KIF26B: variants seen among roughly 807,000 people sequenced by gnomAD.
The protein encoded by KIF26B is kinesin family member 26B, also known as kinesin-like protein KIF26B.
Under a neutral mutation model 151.2 loss-of-function variants are expected in KIF26B, and 63 were observed. That is an observed-to-expected ratio of 0.42 (90% CI 0.34 to 0.51). The LOEUF (loss-of-function observed/expected upper bound fraction) is 0.51, where lower values mean the gene tolerates loss of function less well. KIF26B is among the 20% of genes least tolerant of loss of function. The pLI, the probability that KIF26B is intolerant of heterozygous loss-of-function variation, is 0.07. For synonymous variants in KIF26B, 1,357 were observed against 1,262.1 expected (o/e 1.08, Z -1.59); for missense variants, 2,813 against 2,913.6 (o/e 0.97, Z 0.79).
chr1:245,189,187 T>C (rs940228276), intron 2 of KIF26B, among the ~76,000 whole-genome samples: 3 of 152,218 alleles, frequency 2.0e-5, no homozygotes, highest in African/African-American at 7.2e-5. Flanking sequence ...GTGGCTAATA[T>C]AGTCAAGTTT....
rs55861540 is a variant in KIF26B, at chr1:245,635,098, G to GTT, written c.2099-11009_2099-11008dup. On this transcript the variant is annotated intron_variant, in intron 9 of 14. Coordinates refer to ENST00000407071, the MANE Select transcript of KIF26B (RefSeq NM_018012.4). Reference sequence around the variant, plus strand: ...GGGATATTGTTCTGCAGGTTTTTGTGTTTTTTTTTTTTTTTCAAACAACAT... The same window carrying GTT: ...GGGATATTGTTCTGCAGGTTTTTGTGTTTTTTTTTTTTTTTTTCAAACAACAT... Among the ~76,000 whole-genome samples the GTT allele has an allele frequency of 2.9e-3, 389 of 133,030 alleles. 4 individuals carry two copies. Among genetic ancestry groups the GTT allele is most frequent in the East Asian group, 8.3e-3 (39 of 4,708 alleles). The allele number at this position is 133,030 out of a possible 152,430, so 87.3% of individuals were successfully genotyped here.
In KIF26B at chr1:245,359,705, C is replaced by T. The variant is rs955369163; in HGVS notation, c.466-7129C>T. Among the ~76,000 whole-genome samples the T allele has an allele frequency of 1.2e-4, 18 of 150,508 alleles. 1 individual carries two copies. The highest frequency in any genetic ancestry group is 2.7e-4 in the Non-Finnish European group (18 of 67,664). On this transcript the variant is annotated intron_variant, in intron 2 of 14. Transcript: ENST00000407071. ...CTTCCCTCCCTCCCTTCCCTCCTTC[C>T]CTCCCTTCCTTCCTTCCTTCCGATA... is the stretch of plus-strand genomic sequence containing the variant.
chr1:245,240,125 G>A lies in KIF26B; in HGVS notation c.465+83442G>A, dbSNP rs538858639. 3.9e-5 allele frequency among the ~76,000 whole-genome samples: 6 copies of A among 152,132 alleles called. No homozygotes were observed. In the South Asian group the frequency reaches 6.2e-4, roughly 16 times the overall value. On this transcript the variant is annotated intron_variant, in intron 2 of 14. Coordinates refer to ENST00000407071, the MANE Select transcript of KIF26B (RefSeq NM_018012.4). ...GCGGAGGTTGCAGTCAGCCGAGATCGTGCTTCCAGCCTGGGCAACAGAGTG... is the reference window on the plus strand; with the variant it reads ...GCGGAGGTTGCAGTCAGCCGAGATCATGCTTCCAGCCTGGGCAACAGAGTG...
chr1:245,163,031 T>G (rs975037411), intron 2 of KIF26B, among the ~76,000 whole-genome samples: 2 of 152,262 alleles, frequency 1.3e-5, no homozygotes, highest in African/African-American at 4.8e-5. Flanking sequence ...CCCACTTTAT[T>G]AAAACATTCT....
chr1:245,381,879 A>G (rs904639852), intron 3 of KIF26B, among the ~76,000 whole-genome samples: 5 of 152,132 alleles, frequency 3.3e-5, no homozygotes, highest in African/African-American at 4.8e-5. Flanking sequence ...CTCAAGTTTC[A>G]TCCGTATTGT....
chr1:245,237,728 TA>T (rs1670139027), intron 2 of KIF26B, among the ~76,000 whole-genome samples: 1 of 152,164 alleles, frequency 6.6e-6, no homozygotes. Flanking sequence ...TTTGTTCAAA[TA>T]AGAATATTGT....
intron 10 of KIF26B, among the ~76,000 whole-genome samples, chr1:245,654,785 G>C (rs1186047828): frequency 1.3e-5 from 2 of 152,222 alleles, no homozygotes; most frequent in East Asian, 3.9e-4. Context: ...GGTATGCAAA[G>C]GCATTCCTGA....
intron 2 of KIF26B, among the ~76,000 whole-genome samples, chr1:245,280,506 G>C (rs1313009827): frequency 7.9e-6 from 1 of 127,178 alleles, no homozygotes; most frequent in African/African-American, 3.3e-5. Context: ...ACTCCAGCCT[G>C]GGCAACAGAG....
Position 245,187,123 on chromosome 1 carries a change from G to T in KIF26B, c.465+30440G>T, listed in dbSNP as rs143887920. Among the ~76,000 whole-genome samples, 84 of 152,266 alleles carry T rather than the reference G, an allele frequency of 5.5e-4. 2 individuals carry two copies. Among genetic ancestry groups the T allele is most frequent in the African/African-American group, 2.0e-3 (83 of 41,534 alleles). On this transcript the variant is annotated intron_variant, in intron 2 of 14. Coordinates refer to ENST00000407071, the MANE Select transcript of KIF26B (RefSeq NM_018012.4). ...GTCCGCCTTGGACTCCCAAAGTGCC[G>T]GGATTACAGGTGTGAGCCACTGCAC...
At chr1:245,259,759 C>T (rs1442250310) in intron 2 of KIF26B, among the ~76,000 whole-genome samples, 3 of 151,894 alleles carry the variant, frequency 2.0e-5, no homozygotes, top group Admixed American at 2.0e-4. Flanking sequence ...TGGCAAAATG[C>T]TGTCTCTGGA....
rs533670090 is a variant in KIF26B, at chr1:245,686,643, G to C, written c.3660G>C (p.Arg1220=). 6.2e-7 allele frequency: 1 copy of C among 1,611,154 alleles called. No individual in the cohort carries two copies. The highest frequency in any genetic ancestry group is 1.7e-5 in the Admixed American group (1 of 59,706). Residue 1220 remains arginine (R), a synonymous_variant, in exon 12 of 15, where the codon CGG becomes CGC. Transcript: ENST00000407071. This position sits in a 1 kb window ranked among gnomAD's most constrained non-coding sequence, Gnocchi z 5.6. ...IISFNSDCSA[R]ALASGSRPVS... ...GCTTCAACAGCGACTGCTCTGCACGGGCCCTGGCCTCGGGCTCGCGGCCCG... is the reference window on the plus strand; with the variant it reads ...GCTTCAACAGCGACTGCTCTGCACGCGCCCTGGCCTCGGGCTCGCGGCCCG...
intron 2 of KIF26B, among the ~76,000 whole-genome samples, chr1:245,193,648 A>G (rs908344156): frequency 2.6e-5 from 4 of 152,230 alleles, no homozygotes; most frequent in Non-Finnish European, 4.4e-5. Context: ...GTTCACAGCA[A>G]TCCTCTGAGA....
rs1246535760 is a variant in KIF26B, at chr1:245,705,122, A to G, written c.*2516A>G. On this transcript the variant is annotated 3_prime_UTR_variant, in exon 15 of 15. Transcript: ENST00000407071. ...GCTTTTATCCATTTGTAGCAACTTT[A>G]TGCTGTAACAAAAGGCGGAAGGAAA... The G allele has an allele frequency of 6.6e-6, 1 of 152,144 alleles. No homozygotes were observed. Among genetic ancestry groups the G allele is most frequent in the African/African-American group, 2.4e-5 (1 of 41,430 alleles). The allele number at this position is 152,144 out of a possible 1,614,324, so 9.4% of individuals were successfully genotyped here.
rs2044837074 is a variant in KIF26B, at chr1:245,706,071, C to T, written c.*3465C>T. ...TGAGAAGCTGGGGTAAACAGCCAGG[C>T]ATCGCAGCGTGGGGAATTAGACAGG... On this transcript the variant is annotated 3_prime_UTR_variant, in exon 15 of 15. Transcript: ENST00000407071. 6.6e-6 allele frequency: 1 copy of T among 152,220 alleles called. No homozygotes were observed. The highest frequency in any genetic ancestry group is 1.9e-4 in the East Asian group (1 of 5,198). 9.4% of individuals were successfully genotyped at this position (152,220 alleles called of 1,614,324 possible).
At chr1:245,205,353 T>C (rs1020467507) in intron 2 of KIF26B, among the ~76,000 whole-genome samples, 4 of 152,208 alleles carry the variant, frequency 2.6e-5, no homozygotes, top group African/African-American at 9.6e-5. Flanking sequence ...TTAAGGTGTA[T>C]GGAAAGTATA....
intron 4 of KIF26B, among the ~76,000 whole-genome samples, chr1:245,526,274 C>A (rs1038105915): frequency 6.6e-6 from 1 of 152,136 alleles, no homozygotes. Context: ...GGTAACCTGA[C>A]GGTAGCATAG....
intron 3 of KIF26B, among the ~76,000 whole-genome samples, chr1:245,374,077 A>ATATATATATATAT (rs1673195742): frequency 2.8e-5 from 1 of 35,272 alleles, no homozygotes; most frequent in Admixed American, 4.5e-4. Context: ...AAAAAAAAAA[A>ATATATATATATAT]AAAAAAAAAA....
chr1:245,267,685 A>C (rs979205828), intron 2 of KIF26B, among the ~76,000 whole-genome samples: 3 of 135,344 alleles, frequency 2.2e-5, no homozygotes, highest in Non-Finnish European at 3.4e-5. Flanking sequence ...CACACACACA[A>C]AAGGAGAAAA....
intron 2 of KIF26B, among the ~76,000 whole-genome samples, chr1:245,257,302 C>A (rs1395281001): frequency 6.6e-6 from 1 of 152,162 alleles, no homozygotes; most frequent in Non-Finnish European, 1.5e-5. Context: ...CAAGCTATAG[C>A]CCGACCACTT....
Sources: gnomAD v4.1 joint callset for allele counts (sites outside exome capture counted in the v4.1 genomes callset) on GRCh38, gnomAD v4.1.1 for gene constraint, Gnocchi (gnomAD v3.1) non-coding constraint, MANE v1.5 for transcripts, NCBI Gene and HGNC (gene_info 2026-07-23, HGNC 2026-07-21) for gene names.